PWWP2A: variants seen among roughly 807,000 people sequenced by gnomAD.
The protein encoded by PWWP2A is PWWP domain containing 2A.
PWWP2A carries 18 observed loss-of-function variants against 48.5 expected under a neutral mutation model. That is an observed-to-expected ratio of 0.37 (90% CI 0.26 to 0.55). The LOEUF is 0.55. PWWP2A is among the 20% of genes least tolerant of loss of function. The pLI is 0.81. For synonymous variants in PWWP2A, 396 were observed against 387.7 expected, an observed-to-expected ratio of 1.02 and a Z score of -0.25; for missense variants, 867 against 976.4, an observed-to-expected ratio of 0.89 and a Z score of 1.49.
chr5:160,090,103 A>C, downstream of PWWP2A: 1 of 985,316 alleles, frequency 1.0e-6, no homozygotes, highest in South Asian at 4.7e-5. Flanking sequence ...CATTTGTGAT[A>C]TGCTCAACCT....
At position 160,078,015 on chromosome 5, in the gene PWWP2A, C is replaced by T; in HGVS notation, c.*140G>A. On this transcript the variant is annotated 3_prime_UTR_variant, in exon 4 of 4. Transcript: ENST00000456329. The surrounding 1 kb of genome is among the most constrained non-coding windows in gnomAD (Gnocchi z 4.2). ...TTAAGACAGCACAATTTGCAAGTGC[C>T]CCTTTATAGACTGTTGTTTTTAACC... 3.0e-6 allele frequency: 2 copies of T among 657,810 alleles called. No homozygotes were observed. Among genetic ancestry groups the T allele is most frequent in the Non-Finnish European group, 5.4e-6 (2 of 373,722 alleles). The allele number at this position is 657,810 out of a possible 1,614,324, so 40.7% of individuals were successfully genotyped here. A position where few individuals can be genotyped will look rare whatever the true frequency, so the allele number is the denominator to read the frequency against.
At chr5:160,107,575 T>C (rs1258073284) in intron 1 of PWWP2A, among the ~76,000 whole-genome samples, 1 of 152,218 alleles carries the variant, frequency 6.6e-6, no homozygotes, top group African/African-American at 2.4e-5. Context: ...ACAGTGAAGA[T>C]AAGCACATAA....
At chr5:160,116,807 T>C (rs897007604) in intron 1 of PWWP2A, 1 of 984,880 alleles carries the variant, frequency 1.0e-6, no homozygotes, top group Non-Finnish European at 1.2e-6. Flanking sequence ...TATACATCAG[T>C]AGAGGCCGGG....
chr5:160,097,300 G>A (rs912731652), intron 1 of PWWP2A, among the ~76,000 whole-genome samples: 5 of 123,408 alleles, frequency 4.1e-5, no homozygotes, highest in Non-Finnish European at 6.3e-5. Context: ...TCGCGCTATC[G>A]CACTCCAGCC....
chr5:160,082,092 A>G (rs1258032396), intron 2 of PWWP2A, among the ~76,000 whole-genome samples: 1 of 152,222 alleles, frequency 6.6e-6, no homozygotes, highest in Non-Finnish European at 1.5e-5. Context: ...AAAACTTAAT[A>G]TACTATCAAC....
chr5:160,091,366 C>A lies in PWWP2A; in HGVS notation c.*1016G>T, dbSNP rs1581191003. The stretch of plus-strand genomic sequence containing the variant: ...TGGATTTAGTTGATTTTATTTACAG[C>A]TTTTTTTTGGTTTTTTTTTTTTTTT... On this transcript the variant is annotated 3_prime_UTR_variant, in exon 2 of 2. Transcript: ENST00000307063. The A allele has an allele frequency of 7.4e-6, 7 of 948,298 alleles. No homozygotes were observed. The highest frequency in any genetic ancestry group is 8.7e-6 in the Non-Finnish European group (7 of 802,378). The allele number at this position is 948,298 out of a possible 1,614,324, so 58.7% of individuals were successfully genotyped here. A position where few individuals can be genotyped will look rare whatever the true frequency, so the allele number is the denominator to read the frequency against.
chr5:160,049,765 G>A, the PWWP2A span: 2 of 1,082,450 alleles, frequency 1.8e-6, no homozygotes, highest in Non-Finnish European at 2.5e-6. Context: ...CCATTTCTGT[G>A]CTTTTGAGGA....
At chr5:160,116,674 C>G in intron 1 of PWWP2A, 2 of 985,268 alleles carry the variant, frequency 2.0e-6, no homozygotes, top group Non-Finnish European at 2.4e-6. Context: ...CATTCCATTT[C>G]CAAAAACAAC....
chr5:160,051,118 CT>C, the PWWP2A span: 1 of 1,539,730 alleles, frequency 6.5e-7, no homozygotes, highest in African/African-American at 1.4e-5. Flanking sequence ...TGTTTCTCCT[CT>C]TTTCCTCAGA....
At chr5:160,050,122 A>G in the PWWP2A span, among the ~76,000 whole-genome samples, 8 of 152,110 alleles carry the variant, frequency 5.3e-5, no homozygotes, top group Non-Finnish European at 8.8e-5. Context: ...GCATTCCATC[A>G]TGGGCAACAG....
chr5:160,118,972 T>G lies in PWWP2A; in HGVS notation c.417A>C (p.Val139=). 1 of 1,598,226 alleles carries G rather than the reference T, an allele frequency of 6.3e-7. No individual in the cohort carries two copies. The highest frequency in any genetic ancestry group is 1.1e-5 in the South Asian group (1 of 89,596). ...CCGCCGGCGGCACGAGCGCCGGGGC[T>G]ACGGGCTGAGGCAGCGGCGGCTCCT... ...EREEPPLPQP[V]APALVPPAGG... Residue 139 remains valine, a synonymous_variant, in exon 1 of 2, where the codon GTA becomes GTC. Transcript: ENST00000307063.
chr5:160,109,766 AAAAAAAAAATATATATATAT>A (rs1293525789), intron 1 of PWWP2A, among the ~76,000 whole-genome samples: 2 of 47,510 alleles, frequency 4.2e-5, no homozygotes, highest in Non-Finnish European at 8.8e-5. Context: ...GGAAAAAAAA[AAAAAAAAAATATATATATAT>A]ATATATATAT....
chr5:160,100,402 AT>A (rs1249597816), intron 1 of PWWP2A, among the ~76,000 whole-genome samples: 1 of 152,056 alleles, frequency 6.6e-6, no homozygotes, highest in African/African-American at 2.4e-5. Flanking sequence ...AGGTGGGAGG[AT>A]TGCTTGAGCC....
chr5:160,045,046 G>T, the PWWP2A span, among the ~76,000 whole-genome samples: 1 of 152,176 alleles, frequency 6.6e-6, no homozygotes, highest in African/African-American at 2.4e-5. Context: ...TTGTTTGGAA[G>T]AAGTTATTTA....
chr5:160,099,149 T>A (rs1755991334), intron 1 of PWWP2A, among the ~76,000 whole-genome samples: 1 of 152,224 alleles, frequency 6.6e-6, no homozygotes, highest in Non-Finnish European at 1.5e-5. Flanking sequence ...GACATTTACG[T>A]CTCATGTGAA....
chr5:160,091,234 C>T (rs1055214870), downstream of PWWP2A: 4 of 973,718 alleles, frequency 4.1e-6, no homozygotes, highest in Non-Finnish European at 4.9e-6. Context: ...GGGCAAATAG[C>T]AAAATAAAAG....
rs1001515367 is a variant in PWWP2A at position 160,063,850 on chromosome 5, C to T, written c.*237-177G>A. ...AGAGATAGAGTCTCACTGCGTTGCT[C>T]GGGCTGGTCTTGAACTCCTGGGCTC... On this transcript the variant is annotated intron_variant and NMD_transcript_variant, in intron 4 of 5. Transcript: ENST00000524050. Among the ~76,000 whole-genome samples the T allele has an allele frequency of 1.1e-4, 17 of 151,950 alleles. 1 individual carries two copies. The highest frequency in any genetic ancestry group is 9.2e-4 in the Admixed American group (14 of 15,250).
chr5:160,048,359 C>T, the PWWP2A span, among the ~76,000 whole-genome samples: 3 of 151,984 alleles, frequency 2.0e-5, no homozygotes, highest in Non-Finnish European at 4.4e-5. Flanking sequence ...GCCATGTTGG[C>T]TAGGCTGACG....
At chr5:160,107,028 G>T (rs1756974205) in intron 1 of PWWP2A, among the ~76,000 whole-genome samples, 1 of 152,006 alleles carries the variant, frequency 6.6e-6, no homozygotes, top group Non-Finnish European at 1.5e-5. Context: ...GCTTCACCAT[G>T]TTGGCCAGGC....
Sources: gnomAD v4.1 joint callset for allele counts (sites outside exome capture counted in the v4.1 genomes callset) on GRCh38, gnomAD v4.1.1 for gene constraint, Gnocchi (gnomAD v3.1) non-coding constraint, MANE v1.5 for transcripts, NCBI Gene and HGNC (gene_info 2026-07-23, HGNC 2026-07-21) for gene names.